KIAA1217: variants seen among roughly 807,000 people sequenced by gnomAD.
KIAA1217 encodes the protein KIAA1217.
A neutral mutation model predicts 163.9 loss-of-function variants in KIAA1217; 88 were observed. That is an observed-to-expected ratio of 0.54 (90% CI 0.45 to 0.64). KIAA1217 has a LOEUF of 0.64. KIAA1217 is among the 30% of genes least tolerant of loss of function. The pLI, the probability that KIAA1217 is intolerant of heterozygous loss-of-function variation, is 0.00. For missense variants in KIAA1217, 2,372 were observed against 2,475.0 expected, an observed-to-expected ratio of 0.96 and a Z score of 0.88; for synonymous variants, 903 against 923.1, an observed-to-expected ratio of 0.98 and a Z score of 0.39.
chr10:24,091,370 T>C (rs2061932642), intron 2 of KIAA1217, among the ~76,000 whole-genome samples: 1 of 151,990 alleles, frequency 6.6e-6, no homozygotes. Flanking sequence ...TAGATACCAT[T>C]TTCTTTTTAA....
intron 1 of KIAA1217, among the ~76,000 whole-genome samples, chr10:23,851,977 G>A (rs1031922757): frequency 8.6e-5 from 13 of 151,958 alleles, no homozygotes; most frequent in Non-Finnish European, 1.8e-4. Flanking sequence ...TGTTCACTCC[G>A]ATGGTAGTTT....
chr10:24,498,127 C>T (rs1303616575), intron 8 of KIAA1217, among the ~76,000 whole-genome samples: 1 of 152,034 alleles, frequency 6.6e-6, no homozygotes, highest in Non-Finnish European at 1.5e-5. Flanking sequence ...TTGTGTGCTG[C>T]TGACGAGGGT....
intron 2 of KIAA1217, among the ~76,000 whole-genome samples, chr10:24,066,503 G>T (rs144546614): frequency 0.016 from 2,454 of 152,258 alleles, 35 homozygotes; most frequent in Non-Finnish European, 0.025. Flanking sequence ...AGTTTCTGCC[G>T]AGAGATTATC....
intron 2 of KIAA1217, among the ~76,000 whole-genome samples, chr10:24,285,480 A>G (rs220358): frequency 0.43 from 64,808 of 151,902 alleles, 14,409 homozygotes; most frequent in Non-Finnish European, 0.48. Flanking sequence ...TCCTTTCCCC[A>G]TGGCTTAGTC....
chr10:24,361,078 C>T (rs929160499), intron 2 of KIAA1217, among the ~76,000 whole-genome samples: 3 of 152,068 alleles, frequency 2.0e-5, no homozygotes, highest in African/African-American at 7.2e-5. Flanking sequence ...ACATAGAATA[C>T]TTGTGTTAAT....
intron 10 of KIAA1217, among the ~76,000 whole-genome samples, chr10:24,519,177 C>T (rs1306675670): frequency 6.6e-6 from 1 of 152,164 alleles, no homozygotes; most frequent in Non-Finnish European, 1.5e-5. Context: ...AATCGCTGTT[C>T]ACTTACTGCC....
intron 1 of KIAA1217, among the ~76,000 whole-genome samples, chr10:23,772,297 G>A (rs1203722325): frequency 1.3e-5 from 2 of 152,116 alleles, no homozygotes; most frequent in Non-Finnish European, 2.9e-5. Context: ...AGACTCTCTG[G>A]TTGTAGGTTT....
Position 23,914,994 on chromosome 10 carries a change from GC to G in KIAA1217, c.-320-92229del, listed in dbSNP as rs372123957. ...AGAAATAAGATCTATCTGCAGGAAT[GC>G]CTAGAGTGAGAAGAAAAGAAATTAT... is the stretch of plus-strand genomic sequence containing the variant. On this transcript the variant is annotated intron_variant, in intron 1 of 18. Coordinates refer to the KIAA1217 transcript ENST00000376462. Among the ~76,000 whole-genome samples, 172 of 152,172 alleles carry G rather than the reference GC, an allele frequency of 1.1e-3. 1 individual carries two copies. The highest frequency in any genetic ancestry group is 3.9e-3 in the African/African-American group (164 of 41,528).
chr10:24,173,486 A>G (rs1384146019), intron 2 of KIAA1217, among the ~76,000 whole-genome samples: 1 of 152,200 alleles, frequency 6.6e-6, no homozygotes, highest in Admixed American at 6.5e-5. Flanking sequence ...ATTGTCTCCC[A>G]TAAAGCTGAT....
At chr10:23,993,553 C>CTTTTTTCTTTT (rs1846319294) in intron 1 of KIAA1217, among the ~76,000 whole-genome samples, 1 of 68,956 alleles carries the variant, frequency 1.5e-5, no homozygotes, top group Non-Finnish European at 2.4e-5. Context: ...CATAGCCCAG[C>CTTTTTTCTTTT]TTTTTTTTTT....
Position 23,992,203 on chromosome 10 carries a change from T to C in KIAA1217, c.-320-15022T>C, listed in dbSNP as rs139908383. ...AAGTTTTCTTTTTATTGATAATTCA[T>C]TGTGGAAATTACTTTGGCAAATATG... On this transcript the variant is annotated intron_variant, in intron 1 of 18. Transcript: ENST00000376462. Among the ~76,000 whole-genome samples the C allele has an allele frequency of 4.5e-4, 68 of 152,292 alleles. 1 individual carries two copies. Among genetic ancestry groups the C allele is most frequent in the African/African-American group, 1.5e-3 (63 of 41,562 alleles).
chr10:24,428,114 T>TG (rs1158044391), intron 3 of KIAA1217, among the ~76,000 whole-genome samples: 1 of 152,162 alleles, frequency 6.6e-6, no homozygotes, highest in Non-Finnish European at 1.5e-5. Context: ...AGAATGCAGA[T>TG]GTGGGGATGA....
Position 24,391,333 on chromosome 10 carries a change from CTTTTTTTTTTTTT to C in KIAA1217, c.553+10281_553+10293del, listed in dbSNP as rs768727392. Among the ~76,000 whole-genome samples the C allele has an allele frequency of 2.1e-3, 64 of 29,892 alleles. 1 individual carries two copies. The highest frequency in any genetic ancestry group is 0.016 in the African/African-American group (63 of 3,902). 19.6% of individuals were successfully genotyped at this position (29,892 alleles called of 152,430 possible). On this transcript the variant is annotated intron_variant, in intron 3 of 20. Transcript: ENST00000376454. ...GGTTCTCCTGTTTCTTTCTTTCTTTCTTTTTTTTTTTTTTTTTTTTTTTTTTTGTGAGACGGAG... is the reference window on the plus strand; with the variant it reads ...GGTTCTCCTGTTTCTTTCTTTCTTTCTTTTTTTTTTTTTTGTGAGACGGAG...
At chr10:24,115,233 A>T (rs1156516552) in intron 2 of KIAA1217, among the ~76,000 whole-genome samples, 1 of 152,218 alleles carries the variant, frequency 6.6e-6, no homozygotes, top group Non-Finnish European at 1.5e-5. Context: ...GGAGCTCAAG[A>T]AATATTTGTT....
chr10:24,151,840 T>C (rs916405706), intron 2 of KIAA1217, among the ~76,000 whole-genome samples: 2 of 152,106 alleles, frequency 1.3e-5, no homozygotes, highest in Admixed American at 6.5e-5. Flanking sequence ...GAGGGCCAGA[T>C]GGGATGAGTG....
chr10:24,275,669 C>T (rs377666570), intron 2 of KIAA1217: 2 of 494,956 alleles, frequency 4.0e-6, no homozygotes, highest in Non-Finnish European at 8.3e-6. Context: ...TAAGCCTTTG[C>T]TTAAGATGCA....
At chr10:24,337,677 A>G (rs988005412) in intron 2 of KIAA1217, among the ~76,000 whole-genome samples, 13 of 127,480 alleles carry the variant, frequency 1.0e-4, no homozygotes, top group Non-Finnish European at 2.0e-4. Context: ...CGAGTCTCAT[A>G]CTGTCGCCCA....
intron 2 of KIAA1217, among the ~76,000 whole-genome samples, chr10:24,354,110 A>T (rs2048782353): frequency 1.3e-5 from 2 of 152,228 alleles, no homozygotes; most frequent in South Asian, 4.1e-4. Flanking sequence ...ATGAACTGCC[A>T]ATTGATGATG....
chr10:24,333,338 G>A (rs2045937447), intron 2 of KIAA1217, among the ~76,000 whole-genome samples: 1 of 152,140 alleles, frequency 6.6e-6, no homozygotes, highest in Non-Finnish European at 1.5e-5. Flanking sequence ...TGTTTTATGG[G>A]TAAGGATTAT....
Sources: allele counts gnomAD v4.1 joint callset (sites outside exome capture counted in the v4.1 genomes callset), GRCh38; gene constraint gnomAD v4.1.1; transcripts MANE v1.5; gene names NCBI Gene and HGNC (gene_info 2026-07-23, HGNC 2026-07-21).